Variants in HIPK2 observed in about 807,000 individuals in gnomAD.
HIPK2 encodes the protein homeodomain-interacting protein kinase 2.
Under a neutral mutation model 113.7 loss-of-function variants are expected in HIPK2, and 27 were observed. The ratio of observed to expected loss-of-function variants is 0.24; its 90% confidence interval spans 0.17 to 0.33. The LOEUF (loss-of-function observed/expected upper bound fraction) is 0.33, where lower values mean the gene tolerates loss of function less well. HIPK2 is among the 10% of genes least tolerant of loss of function. The probability of loss-of-function intolerance (pLI) is 1.00; values close to 1 mark genes in which losing one functional copy is unlikely to be tolerated. For missense variants in HIPK2, 1,257 were observed against 1,588.0 expected, an observed-to-expected ratio of 0.79 and a Z score of 3.54; for synonymous variants, 631 against 642.2, an observed-to-expected ratio of 0.98 and a Z score of 0.26.
intron 2 of HIPK2, among the ~76,000 whole-genome samples, chr7:139,691,404 C>T (rs1352582152): frequency 6.6e-6 from 1 of 152,222 alleles, no homozygotes; most frequent in African/African-American, 2.4e-5. Context: ...CTTAGGCCCT[C>T]TTTTCATGTA....
intron 2 of HIPK2, among the ~76,000 whole-genome samples, chr7:139,708,243 G>A (rs541142833): frequency 5.9e-5 from 9 of 152,092 alleles, no homozygotes; most frequent in Non-Finnish European, 1.0e-4. Flanking sequence ...GGAAACTTTC[G>A]GAGGTGATGG....
chr7:139,567,459 G>T lies in HIPK2; in HGVS notation c.*5468C>A, dbSNP rs1166696830. On this transcript the variant is annotated 3_prime_UTR_variant, in exon 15 of 15. Coordinates refer to ENST00000406875, the MANE Select transcript of HIPK2 (RefSeq NM_022740.5). Reference sequence around the variant, plus strand: ...AGACAAATAGAATTGCATCACTAATGATGTCATTATTGCCTGGAAAGGAAC... The same window carrying T: ...AGACAAATAGAATTGCATCACTAATTATGTCATTATTGCCTGGAAAGGAAC... The T allele has an allele frequency of 1.3e-5, 2 of 151,914 alleles. No individual in the cohort carries two copies. Among genetic ancestry groups the T allele is most frequent in the African/African-American group, 4.8e-5 (2 of 41,346 alleles). The allele number at this position is 151,914 out of a possible 1,614,324, so 9.4% of individuals were successfully genotyped here.
intron 1 of HIPK2, among the ~76,000 whole-genome samples, chr7:139,762,319 T>C (rs1025572921): frequency 6.6e-6 from 1 of 152,204 alleles, no homozygotes; most frequent in Non-Finnish European, 1.5e-5. Context: ...AGGTGATGGT[T>C]TGAGAGAAGA....
At chr7:139,739,088 G>GT (rs1796025547) in intron 1 of HIPK2, among the ~76,000 whole-genome samples, 1 of 152,154 alleles carries the variant, frequency 6.6e-6, no homozygotes, top group African/African-American at 2.4e-5. Flanking sequence ...GGCTACAAAG[G>GT]TAAGTTTCGG....
chr7:139,576,562 T>A, intron 13 of HIPK2, among the ~76,000 whole-genome samples: 1 of 152,128 alleles, frequency 6.6e-6, no homozygotes, highest in Non-Finnish European at 1.5e-5. Context: ...CAGAGCCCAG[T>A]GGTTTTAACT....
intron 2 of HIPK2, among the ~76,000 whole-genome samples, chr7:139,693,736 C>G (rs75238455): frequency 6.9e-6 from 1 of 145,718 alleles, no homozygotes; most frequent in African/African-American, 2.5e-5. Context: ...AAAAAAAAAA[C>G]ATTTTAAGTA....
intron 2 of HIPK2, among the ~76,000 whole-genome samples, chr7:139,708,566 G>A (rs1794975425): frequency 1.3e-5 from 2 of 152,190 alleles, no homozygotes; most frequent in Non-Finnish European, 1.5e-5. Flanking sequence ...TGGCCCTACT[G>A]TTCTCAGGTT....
At chr7:139,573,754 A>G (rs1219290799) in intron 14 of HIPK2, among the ~76,000 whole-genome samples, 6 of 151,928 alleles carry the variant, frequency 3.9e-5, no homozygotes, top group Admixed American at 6.6e-5. Context: ...GGGCTGAGGC[A>G]CAAGAATCAC....
chr7:139,640,667 T>A (rs1258839289), intron 2 of HIPK2, among the ~76,000 whole-genome samples: 1 of 152,170 alleles, frequency 6.6e-6, no homozygotes, highest in Non-Finnish European at 1.5e-5. Flanking sequence ...TTTTTCTTTT[T>A]GAGACAGGGT....
intron 6 of HIPK2, among the ~76,000 whole-genome samples, chr7:139,623,132 A>AAT (rs1800296857): frequency 6.6e-6 from 1 of 152,196 alleles, no homozygotes; most frequent in African/African-American, 2.4e-5. Flanking sequence ...TGGGAGCCCT[A>AAT]TCCAGTAAAT....
At chr7:139,596,090 G>A (rs1054700380) in intron 12 of HIPK2, among the ~76,000 whole-genome samples, 2 of 152,194 alleles carry the variant, frequency 1.3e-5, no homozygotes, top group African/African-American at 4.8e-5. Context: ...ACCACATTTT[G>A]CTGAAGTCTG....
At chr7:139,655,889 G>A (rs922162562) in intron 2 of HIPK2, among the ~76,000 whole-genome samples, 2 of 152,192 alleles carry the variant, frequency 1.3e-5, no homozygotes, top group African/African-American at 4.8e-5. Context: ...CCATGGATGA[G>A]GAGACTCGTG....
rs146780790 is a variant in HIPK2, at chr7:139,766,834, A to T, written c.19+10771T>A. On this transcript the variant is annotated intron_variant, in intron 1 of 14. Transcript: ENST00000406875. ...ATAGTGTATTACTATTGTGAGGATGATATTTGGCCCATTTTATTCTGGGGC... is the reference window on the plus strand; with the variant it reads ...ATAGTGTATTACTATTGTGAGGATGTTATTTGGCCCATTTTATTCTGGGGC... Among the ~76,000 whole-genome samples, 176 of 152,320 alleles carry T rather than the reference A, an allele frequency of 1.2e-3. 1 individual carries two copies. The highest frequency in any genetic ancestry group is 4.1e-3 in the African/African-American group (170 of 41,556).
chr7:139,736,683 G>A (rs1481414382), intron 1 of HIPK2, among the ~76,000 whole-genome samples: 1 of 152,186 alleles, frequency 6.6e-6, no homozygotes, highest in Non-Finnish European at 1.5e-5. Context: ...TAATGCCTAC[G>A]CTGGAGCTAT....
chr7:139,699,827 G>C (rs1313685266), intron 2 of HIPK2, among the ~76,000 whole-genome samples: 3 of 152,352 alleles, frequency 2.0e-5, no homozygotes, highest in African/African-American at 7.2e-5. Context: ...GCGCACGCCA[G>C]GGGTGTGCGG....
Position 139,715,049 on chromosome 7 carries a change from C to T in HIPK2, c.1103+883G>A, listed in dbSNP as rs1403108219. ...TTTCCTGACTCCAAAGCCAGCACTC[C>T]GATCTCAGCTCCATGTCGGCAGCGG... On this transcript the variant is annotated intron_variant, in intron 2 of 14. Transcript: ENST00000406875. 7.2e-5 allele frequency among the ~76,000 whole-genome samples: 11 copies of T among 152,330 alleles called. No homozygotes were observed. The South Asian group carries it at 1.2e-3, about 17-fold the overall frequency.
chr7:139,729,324 T>TGAGAGAGAGAGAGAGAGAGA, intron 1 of HIPK2, among the ~76,000 whole-genome samples: 1 of 69,198 alleles, frequency 1.4e-5, no homozygotes, highest in African/African-American at 4.8e-5. Flanking sequence ...ACCCTGTCTC[T>TGAGAGAGAGAGAGAGAGAGA]GAGAGAGAGA....
intron 7 of HIPK2, among the ~76,000 whole-genome samples, chr7:139,617,287 G>A (rs1488974982): frequency 6.6e-6 from 1 of 152,158 alleles, no homozygotes; most frequent in East Asian, 1.9e-4. Flanking sequence ...GGCTGGACTT[G>A]AACTCCTGAC....
At chr7:139,709,876 A>C (rs1795010336) in intron 2 of HIPK2, among the ~76,000 whole-genome samples, 1 of 152,224 alleles carries the variant, frequency 6.6e-6, no homozygotes, top group Admixed American at 6.5e-5. Flanking sequence ...AAAAGAAAGC[A>C]AAATAAACAA....
Sources: allele counts gnomAD v4.1 joint callset (sites outside exome capture counted in the v4.1 genomes callset), GRCh38; gene constraint gnomAD v4.1.1; transcripts MANE v1.5; gene names NCBI Gene and HGNC (gene_info 2026-07-23, HGNC 2026-07-21).